TEKT2: variants seen among roughly 807,000 people sequenced by gnomAD.
TEKT2 encodes the protein tektin 2.
In TEKT2, 45 loss-of-function variants were observed where a neutral mutation model predicts 49.8. The ratio of observed to expected loss-of-function variants is 0.90; its 90% confidence interval spans 0.71 to 1.16. TEKT2 has a LOEUF of 1.16. Among genes scored for constraint, TEKT2 ranks in the 50% most tolerant of loss-of-function variants. The probability of loss-of-function intolerance (pLI) is 0.00; values close to 1 mark genes in which losing one functional copy is unlikely to be tolerated. For synonymous variants in TEKT2, 202 were observed against 224.6 expected (o/e 0.90, Z 0.90); for missense variants, 523 against 551.4 (o/e 0.95, Z 0.52).
At chr1:36,086,376 G>C (rs1258127518) in intron 4 of TEKT2, among the ~76,000 whole-genome samples, 1 of 152,166 alleles carries the variant, frequency 6.6e-6, no homozygotes, top group Non-Finnish European at 1.5e-5. Flanking sequence ...TGCCCCGCAG[G>C]TGTATAGGGC....
rs146068790 is a variant in TEKT2, at chr1:36,087,729, C to A, written c.1001C>A (p.Ala334Glu). The change falls in exon 9 of 10, where the codon GCA becomes GAA. Residue 334 changes from alanine to glutamate, a missense_variant and splice_region_variant. Coordinates refer to ENST00000207457, the MANE Select transcript of TEKT2 (RefSeq NM_014466.3). This position sits in a 1 kb window ranked among gnomAD's most constrained non-coding sequence, Gnocchi z 4.9. Reference sequence around the variant, plus strand: ...AACTCCCAACCCCTCTGCCTCCAGGCACAGTACGGCCTCACCGACGAGGTT... The same window carrying A: ...AACTCCCAACCCCTCTGCCTCCAGGAACAGTACGGCCTCACCGACGAGGTT... ...RPNVELCRDQ[A>E]QYGLTDEVHQ... 36 of 1,613,510 alleles carry A rather than the reference C, an allele frequency of 2.2e-5. No homozygotes were observed. In the African/African-American group the frequency reaches 4.8e-4, roughly 22 times the overall value.
intron 4 of TEKT2, 31 bp downstream of exon 4, chr1:36,086,072 A>T: frequency 6.4e-7 from 1 of 1,553,754 alleles, no homozygotes; most frequent in South Asian, 1.2e-5. Context: ...CCGCATGTTC[A>T]TGGGCCCCTG....
intron 4 of TEKT2, among the ~76,000 whole-genome samples, chr1:36,086,479 G>C (rs1323865348): frequency 6.6e-6 from 1 of 152,020 alleles, no homozygotes; most frequent in Non-Finnish European, 1.5e-5. Context: ...TCCTGCGGGT[G>C]TGTAGGGCAC....
Position 36,088,208 on chromosome 1 carries a change from G to T in TEKT2, c.*22G>T. 6.4e-7 allele frequency: 1 copy of T among 1,558,190 alleles called. No individual in the cohort carries two copies. Among genetic ancestry groups the T allele is most frequent in the Non-Finnish European group, 8.8e-7 (1 of 1,132,458 alleles). On this transcript the variant is annotated 3_prime_UTR_variant, in exon 10 of 10. Coordinates refer to ENST00000207457, the MANE Select transcript of TEKT2 (RefSeq NM_014466.3). ...CTAGCCTTGGAGGACTGCAGGAGGA[G>T]GGCAGGGTTGGGTGGGCAATGGAAG...
rs746726210 is a variant in TEKT2, at chr1:36,087,561, C to T, written c.978C>T (p.Asn326=). 1.3e-5 allele frequency: 21 copies of T among 1,613,708 alleles called. No individual in the cohort carries two copies. Among genetic ancestry groups the T allele is most frequent in the Middle Eastern group, 3.3e-4 (2 of 6,084 alleles). Residue 326 remains asparagine (N), a synonymous_variant, in exon 8 of 10, where the codon AAC becomes AAT. Coordinates refer to ENST00000207457, the MANE Select transcript of TEKT2 (RefSeq NM_014466.3). This position sits in a 1 kb window ranked among gnomAD's most constrained non-coding sequence, Gnocchi z 4.9. Reference sequence around the variant, plus strand: ...TAGAGGCCAGAACCTACCGGCCCAACGTGGAACTCTGCCGGGACCAGGTGA... The same window carrying T: ...TAGAGGCCAGAACCTACCGGCCCAATGTGGAACTCTGCCGGGACCAGGTGA... ...TRLEARTYRP[N]VELCRDQAQY... is the part of the protein sequence containing the mutation.
chr1:36,087,125 C>T lies in TEKT2; in HGVS notation c.748-79C>T, dbSNP rs1244133323. 3 of 1,604,084 alleles carry T rather than the reference C, an allele frequency of 1.9e-6. No homozygotes were observed. Among genetic ancestry groups the T allele is most frequent in the East Asian group, 4.5e-5 (2 of 44,740 alleles). On this transcript the variant is annotated intron_variant, in intron 6 of 9. Coordinates refer to ENST00000207457, the MANE Select transcript of TEKT2 (RefSeq NM_014466.3). The surrounding 1 kb of genome is among the most constrained non-coding windows in gnomAD (Gnocchi z 4.9). Reference sequence around the variant, plus strand: ...TTCTGTTCCCTGCTGTGCATGTGGCCCCCTGCCCCTCGCTTGAGTAATATC... The same window carrying T: ...TTCTGTTCCCTGCTGTGCATGTGGCTCCCTGCCCCTCGCTTGAGTAATATC...
In TEKT2 at chr1:36,087,366, C is replaced by A; in HGVS notation, c.855+55C>A. The A allele has an allele frequency of 6.2e-7, 1 of 1,613,522 alleles. No individual in the cohort carries two copies. Among genetic ancestry groups the A allele is most frequent in the Non-Finnish European group, 8.5e-7 (1 of 1,179,682 alleles). On this transcript the variant is annotated intron_variant, in intron 7 of 9. Coordinates refer to ENST00000207457, the MANE Select transcript of TEKT2 (RefSeq NM_014466.3). This position sits in a 1 kb window ranked among gnomAD's most constrained non-coding sequence, Gnocchi z 4.9. ...GCTGTGGGATGAGAAGCCGCATGCC[C>A]CCGCCAGGAGGCACTGGACCAGGCA...
At position 36,087,986 on chromosome 1, in the gene TEKT2, G is replaced by A. The variant is rs748353913; in HGVS notation, c.1093G>A (p.Ala365Thr). 20 of 1,610,276 alleles carry A rather than the reference G, an allele frequency of 1.2e-5. No individual in the cohort carries two copies. Among genetic ancestry groups the A allele is most frequent in the Non-Finnish European group, 1.7e-5 (20 of 1,178,976 alleles). ...GTCCTTCCCTAGGGACGCACTGGAC[G>A]CCCTGTGCAAGCACCTGGCCCGGCT... ...KLAQAQDALD[A>T]LCKHLARLQA... Residue 365 changes from alanine (A) to threonine (T), a missense_variant, in exon 10 of 10, where the codon GCC becomes ACC. Coordinates refer to ENST00000207457, the MANE Select transcript of TEKT2 (RefSeq NM_014466.3). This position sits in a 1 kb window ranked among gnomAD's most constrained non-coding sequence, Gnocchi z 4.9.
At position 36,087,215 on chromosome 1, in the gene TEKT2, G is replaced by A; in HGVS notation, c.759G>A (p.Glu253=). 6.2e-7 allele frequency: 1 copy of A among 1,614,162 alleles called. No individual in the cohort carries two copies. The highest frequency in any genetic ancestry group is 8.5e-7 in the Non-Finnish European group (1 of 1,180,042). Residue 253 remains glutamate (E), a synonymous_variant, in exon 7 of 10, where the codon GAG becomes GAA. Transcript: ENST00000207457. The surrounding 1 kb of genome is among the most constrained non-coding windows in gnomAD (Gnocchi z 4.9). The stretch of plus-strand genomic sequence containing the variant: ...GTTTTCTCCTTCAGACCAACAACGA[G>A]CTTGAAGCCCAGAGAGTTGCAACGG... ...TALTIAETNN[E]LEAQRVATEF...
Position 36,085,197 on chromosome 1 carries a change from T to C in TEKT2, c.191T>C (p.Leu64Pro). 6.2e-7 allele frequency: 1 copy of C among 1,614,200 alleles called. No individual in the cohort carries two copies. Among genetic ancestry groups the C allele is most frequent in the Non-Finnish European group, 8.5e-7 (1 of 1,180,048 alleles). The change falls in exon 3 of 10, where the codon CTG (leucine) becomes CCG (proline). Residue 64 changes from leucine to proline, a missense_variant. Leu to Pro is a moderately conservative substitution (Grantham distance 98). Coordinates refer to ENST00000207457, the MANE Select transcript of TEKT2 (RefSeq NM_014466.3). ...GATGAACATGACAACAGGACTCGACTGGTGGAGAGGATTGATACTGTCAAC... is the reference window on the plus strand; with the variant it reads ...GATGAACATGACAACAGGACTCGACCGGTGGAGAGGATTGATACTGTCAAC... Reference protein sequence around the residue: ...IWDEHDNRTRLVERIDTVNRW... With the variant: ...IWDEHDNRTRPVERIDTVNRW...
chr1:36,084,739 G>T lies in TEKT2; in HGVS notation c.-52-131G>T. On this transcript the variant is annotated intron_variant, in intron 1 of 9. Transcript: ENST00000207457. This position sits in a 1 kb window ranked among gnomAD's most constrained non-coding sequence, Gnocchi z 4.1. ...CTCACACAAAGTTGAGTAAAGCAAG[G>T]GCTGTCTCCAAGCAGGCTTCCAGCA... 1 of 819,642 alleles carries T rather than the reference G, an allele frequency of 1.2e-6. No individual in the cohort carries two copies. Among genetic ancestry groups the T allele is most frequent in the South Asian group, 1.5e-5 (1 of 64,948 alleles). 50.8% of individuals were successfully genotyped at this position (819,642 alleles called of 1,614,324 possible). A position where few individuals can be genotyped will look rare whatever the true frequency, so the allele number is the denominator to read the frequency against.
rs1309257241 is a variant in TEKT2 at position 36,084,874 on chromosome 1, T to C, written c.-48T>C. The C allele has an allele frequency of 6.2e-7, 1 of 1,612,142 alleles. No homozygotes were observed. Among genetic ancestry groups the C allele is most frequent in the Non-Finnish European group, 8.5e-7 (1 of 1,179,946 alleles). On this transcript the variant is annotated 5_prime_UTR_variant, in exon 2 of 10. Transcript: ENST00000207457. This position sits in a 1 kb window ranked among gnomAD's most constrained non-coding sequence, Gnocchi z 4.1. ...AGCAGTGTTTTCCCTCTGCAGGTGG[T>C]GTCTGTGAACAGGCCTAGGGGTTTC... is the stretch of plus-strand genomic sequence containing the variant.
intron 3 of TEKT2, 71 bp downstream of exon 3, chr1:36,085,359 G>A (rs551141094): frequency 6.8e-6 from 11 of 1,607,786 alleles, no homozygotes; most frequent in African/African-American, 1.3e-5. Flanking sequence ...GCTAGGTTGA[G>A]AAGCCCTTGA....
In TEKT2 at chr1:36,086,744, C is replaced by T. The variant is rs775279738; in HGVS notation, c.529C>T (p.Arg177Trp). 10 of 1,613,964 alleles carry T rather than the reference C, an allele frequency of 6.2e-6. No individual in the cohort carries two copies. In the African/African-American group the frequency reaches 6.7e-5, roughly 11 times the overall value. ...CCAACAGCAGCTCAACTCCGACCAT[C>T]GGGGCAAAATGGAGACACTAGAGAT... ...EVQQQLNSDH[R>W]GKMETLEIDR... is the part of the protein sequence containing the mutation. Residue 177 changes from arginine to tryptophan, a missense_variant, in exon 5 of 10, where the codon CGG becomes TGG. By Grantham distance (101) the Arg-to-Trp change is moderately radical (BLOSUM62 -3). Transcript: ENST00000207457.
In TEKT2 at chr1:36,086,149, AT is replaced by A. The variant is rs1205898118; in HGVS notation, c.488+112del. The stretch of plus-strand genomic sequence containing the variant: ...GAGGAGCAACTGGCTCTCGTGCTAC[AT>A]TTTGGCCCTCTGGTGCCTGTGACAG... On this transcript the variant is annotated intron_variant, in intron 4 of 9. Coordinates refer to ENST00000207457, the MANE Select transcript of TEKT2 (RefSeq NM_014466.3). 4 of 1,307,422 alleles carry A rather than the reference AT, an allele frequency of 3.1e-6. No homozygotes were observed. The African/African-American group carries it at 4.4e-5, about 14-fold the overall frequency. The allele number at this position is 1,307,422 out of a possible 1,614,324, so 81.0% of individuals were successfully genotyped here.
Position 36,084,813 on chromosome 1 carries a change from C to T in TEKT2, c.-52-57C>T, listed in dbSNP as rs550422393. ...ACAGGAACAAGTCCTGCGCAGGGGG[C>T]GTGTGATCCAGGAGGTCTCCGGAAA... is the stretch of plus-strand genomic sequence containing the variant. On this transcript the variant is annotated intron_variant, in intron 1 of 9. Coordinates refer to ENST00000207457, the MANE Select transcript of TEKT2 (RefSeq NM_014466.3). The surrounding 1 kb of genome is among the most constrained non-coding windows in gnomAD (Gnocchi z 4.1). 29 of 1,509,890 alleles carry T rather than the reference C, an allele frequency of 1.9e-5. 1 individual carries two copies. The highest frequency in any genetic ancestry group is 1.4e-4 in the South Asian group (12 of 87,968). 93.5% of individuals were successfully genotyped at this position (1,509,890 alleles called of 1,614,324 possible).
rs1643328988 is a variant in TEKT2 at position 36,084,216 on chromosome 1, A to T, written c.-53+67A>T. On this transcript the variant is annotated intron_variant, in intron 1 of 9. Transcript: ENST00000207457. This position sits in a 1 kb window ranked among gnomAD's most constrained non-coding sequence, Gnocchi z 4.1. ...CTGGACCGGGGTACTGATCTAAACC[A>T]AAGGCGATCATCCTGCGGAGGGGAA... The T allele has an allele frequency of 6.5e-6, 1 of 154,304 alleles. No homozygotes were observed. The highest frequency in any genetic ancestry group is 1.4e-5 in the Non-Finnish European group (1 of 69,472). The allele number at this position is 154,304 out of a possible 1,614,324, so 9.6% of individuals were successfully genotyped here.
In TEKT2 at chr1:36,084,441, C is replaced by T. The variant is rs888443884; in HGVS notation, c.-53+292C>T. ...ACGCGTCCCTGGAGACAGAACAGGG[C>T]TCCTGCCCTTAGATCCCCCACGGGG... On this transcript the variant is annotated intron_variant, in intron 1 of 9. Coordinates refer to ENST00000207457, the MANE Select transcript of TEKT2 (RefSeq NM_014466.3). The surrounding 1 kb of genome is among the most constrained non-coding windows in gnomAD (Gnocchi z 4.1). The T allele has an allele frequency of 4.4e-6, 1 of 224,836 alleles. No homozygotes were observed. Among genetic ancestry groups the T allele is most frequent in the Non-Finnish European group, 9.0e-6 (1 of 110,688 alleles). 13.9% of individuals were successfully genotyped at this position (224,836 alleles called of 1,614,324 possible).
Position 36,084,925 on chromosome 1 carries a change from G to A in TEKT2, c.4G>A (p.Ala2Thr). 1 of 1,613,810 alleles carries A rather than the reference G, an allele frequency of 6.2e-7. No individual in the cohort carries two copies. The highest frequency in any genetic ancestry group is 8.5e-7 in the Non-Finnish European group (1 of 1,180,038). ...TGACCCTTCTGGTTTCTGTGCCATGGCCACGCTGAGCGTCAAGCCAAGTCG... is the reference window on the plus strand; with the variant it reads ...TGACCCTTCTGGTTTCTGTGCCATGACCACGCTGAGCGTCAAGCCAAGTCG... The part of the protein sequence containing the change: M[A>T]TLSVKPSRRF... The change falls in exon 2 of 10, where the codon GCC (alanine) becomes ACC (threonine). Residue 2 changes from alanine to threonine, a missense_variant. Physicochemically the swap from Ala to Thr is moderately conservative, Grantham distance 58. Coordinates refer to ENST00000207457, the MANE Select transcript of TEKT2 (RefSeq NM_014466.3). The surrounding 1 kb of genome is among the most constrained non-coding windows in gnomAD (Gnocchi z 4.1).
Sources: gnomAD v4.1 joint callset for allele counts (sites outside exome capture counted in the v4.1 genomes callset) on GRCh38, gnomAD v4.1.1 for gene constraint, Gnocchi (gnomAD v3.1) non-coding constraint, MANE v1.5 for transcripts, NCBI Gene and HGNC (gene_info 2026-07-23, HGNC 2026-07-21) for gene names.